AMZ1: variants seen among roughly 807,000 people sequenced by gnomAD.
AMZ1 encodes the protein archaemetzincin-1.
In AMZ1, 39 loss-of-function variants were observed where a neutral mutation model predicts 29.9. The observed-to-expected ratio is 1.30, with a 90% CI of 1.01 to 1.70. The LOEUF (loss-of-function observed/expected upper bound fraction) is 1.70, where lower values mean the gene tolerates loss of function less well. Ranked by LOEUF, AMZ1 falls within the 40% of genes most tolerant of loss-of-function variation. AMZ1 has a pLI of 0.00. For synonymous variants in AMZ1, 458 were observed against 304.0 expected (o/e 1.51, Z -5.27); for missense variants, 1,041 against 680.6 (o/e 1.53, Z -5.89).
rs60811216 is a variant in AMZ1 at position 2,704,588 on chromosome 7, C to CTTTTTTTTTT, written c.472+1716_472+1725dup. Among the ~76,000 whole-genome samples, 14 of 83,868 alleles carry CTTTTTTTTTT rather than the reference C, an allele frequency of 1.7e-4. 4 individuals are homozygous for CTTTTTTTTTT. The highest frequency in any genetic ancestry group is 9.0e-4 in the African/African-American group (12 of 13,386). 55.0% of individuals were successfully genotyped at this position (83,868 alleles called of 152,430 possible). A position where few individuals can be genotyped will look rare whatever the true frequency, so the allele number is the denominator to read the frequency against. On this transcript the variant is annotated intron_variant, in intron 3 of 6. Transcript: ENST00000683327. The stretch of plus-strand genomic sequence containing the variant: ...TCTTTTTGAAATTAGCAGTGTCACG[C>CTTTTTTTTTT]TTTTTTTTTTTTTTTTTTTTTTTTT...
At position 2,717,082 on chromosome 7, in the gene AMZ1, C is replaced by A. The variant is rs908583311; in HGVS notation, c.*4204C>A. Among the ~76,000 whole-genome samples, 1 of 152,182 alleles carries A rather than the reference C, an allele frequency of 6.6e-6. No individual in the cohort carries two copies. The highest frequency in any genetic ancestry group is 2.4e-5 in the African/African-American group (1 of 41,424). The stretch of plus-strand genomic sequence containing the variant: ...AGCCCCCACACACCGGCACCCACGC[C>A]CCTCGGTTCTGATAACCAGGAGGCT... On this transcript the variant is annotated 3_prime_UTR_variant, in exon 7 of 7. Coordinates refer to ENST00000683327, the MANE Select transcript of AMZ1 (RefSeq NM_001384743.1).
chr7:2,709,388 A>C (rs918027721), intron 5 of AMZ1, 144 bp downstream of exon 5: 13 of 1,063,950 alleles, frequency 1.2e-5, no homozygotes, highest in African/African-American at 3.2e-5. Flanking sequence ...AAGGCTACAC[A>C]GCTATGAAGC....
chr7:2,722,026 G>A (rs1404988940), downstream of AMZ1, among the ~76,000 whole-genome samples: 3 of 152,212 alleles, frequency 2.0e-5, no homozygotes, highest in Non-Finnish European at 4.4e-5. Flanking sequence ...GGGCTGCACA[G>A]AGCACTCGGT....
chr7:2,722,859 TC>T (rs2115248421), downstream of AMZ1, among the ~76,000 whole-genome samples: 1 of 152,106 alleles, frequency 6.6e-6, no homozygotes, highest in Non-Finnish European at 1.5e-5. Flanking sequence ...ATGCCTGTGG[TC>T]CCAGCTACTT....
In AMZ1 at chr7:2,738,543, C is replaced by T. The variant is rs895798470; in HGVS notation, n.551-26169C>T. Among the ~76,000 whole-genome samples the T allele has an allele frequency of 3.9e-5, 6 of 152,078 alleles. No individual in the cohort carries two copies. The East Asian group carries it at 9.7e-4, about 25-fold the overall frequency. On this transcript the variant is annotated intron_variant and non_coding_transcript_variant, in intron 4 of 4. Coordinates refer to the AMZ1 transcript ENST00000489665. ...CTTTTATGTAAGAAATGGCGGGAGA[C>T]TAAAACCCATATTCTGCTTGCTTAT...
chr7:2,709,238 C>G lies in AMZ1; in HGVS notation c.765C>G (p.Cys255Trp). ...LCFSALGMVQ[C>W]CKVTCHELCH... is the part of the protein sequence containing the mutation. ...TCAGTGCCCTGGGGATGGTTCAGTG[C>G]TGCAAGGTGGGTGGGGGCTCTGGGG... is the stretch of plus-strand genomic sequence containing the variant. The change falls in exon 5 of 7, where the codon TGC becomes TGG. Residue 255 changes from cysteine to tryptophan, a missense_variant. Cys to Trp is a radical substitution (Grantham distance 215). Coordinates refer to ENST00000683327, the MANE Select transcript of AMZ1 (RefSeq NM_001384743.1). 6.7e-7 allele frequency: 1 copy of G among 1,497,892 alleles called. No individual in the cohort carries two copies. The highest frequency in any genetic ancestry group is 8.9e-7 in the Non-Finnish European group (1 of 1,126,456). 92.8% of individuals were successfully genotyped at this position (1,497,892 alleles called of 1,614,324 possible).
At chr7:2,762,517 A>C, upstream of AMZ1, 2 of 1,046,170 alleles carry the variant, frequency 1.9e-6, no homozygotes, top group Non-Finnish European at 2.7e-6. Flanking sequence ...ACTGTGGACT[A>C]CAAAAGCAGT....
Position 2,718,535 on chromosome 7 carries a change from C to G in AMZ1, c.*5657C>G, listed in dbSNP as rs1482410064. Among the ~76,000 whole-genome samples, 1 of 152,230 alleles carries G rather than the reference C, an allele frequency of 6.6e-6. No individual in the cohort carries two copies. Among genetic ancestry groups the G allele is most frequent in the Non-Finnish European group, 1.5e-5 (1 of 68,038 alleles). Reference sequence around the variant, plus strand: ...CGCTGGTGGCAGCCGCGGGCGCCCACTCACCTGGCACGTGGACGAAGGTGA... The same window carrying G: ...CGCTGGTGGCAGCCGCGGGCGCCCAGTCACCTGGCACGTGGACGAAGGTGA... On this transcript the variant is annotated 3_prime_UTR_variant, in exon 7 of 7. Coordinates refer to ENST00000683327, the MANE Select transcript of AMZ1 (RefSeq NM_001384743.1).
Position 2,717,516 on chromosome 7 carries a change from A to G in AMZ1, c.*4638A>G, listed in dbSNP as rs529332418. Among the ~76,000 whole-genome samples, 2 of 152,358 alleles carry G rather than the reference A, an allele frequency of 1.3e-5. No homozygotes were observed. The highest frequency in any genetic ancestry group is 3.9e-4 in the East Asian group (2 of 5,180). ...GCAGGCTGCTCCAGAGCTGAAATCT[A>G]GCTGTGATCCCTGTGGGGCAACTGC... On this transcript the variant is annotated 3_prime_UTR_variant, in exon 7 of 7. Coordinates refer to ENST00000683327, the MANE Select transcript of AMZ1 (RefSeq NM_001384743.1).
intron 1 of AMZ1, among the ~76,000 whole-genome samples, chr7:2,697,040 AC>A (rs769495857): frequency 4.5e-4 from 69 of 152,224 alleles, no homozygotes; most frequent in Non-Finnish European, 7.9e-4. Context: ...AGATGGAAAC[AC>A]AGACTTATGT....
intron 1 of AMZ1, among the ~76,000 whole-genome samples, chr7:2,694,584 C>A: frequency 6.6e-6 from 1 of 151,900 alleles, no homozygotes; most frequent in Admixed American, 6.6e-5. Flanking sequence ...GCCACCGTAC[C>A]TGGTCATAAT....
At chr7:2,759,331 T>C (rs1481662678) in intron 4 of AMZ1, among the ~76,000 whole-genome samples, 1 of 152,178 alleles carries the variant, frequency 6.6e-6, no homozygotes, top group Non-Finnish European at 1.5e-5. Flanking sequence ...AACTCACACC[T>C]ACCTTGCACT....
intron 1 of AMZ1, among the ~76,000 whole-genome samples, chr7:2,695,343 C>G (rs1198928700): frequency 2.0e-5 from 3 of 152,144 alleles, no homozygotes; most frequent in African/African-American, 7.2e-5. Flanking sequence ...TGGGCACAGG[C>G]TCGGTCTGCA....
chr7:2,747,302 C>T (rs560803673), intron 4 of AMZ1, among the ~76,000 whole-genome samples: 6 of 152,188 alleles, frequency 3.9e-5, no homozygotes, highest in African/African-American at 1.4e-4. Flanking sequence ...CCCAGCAGCA[C>T]ATCAAAAAGC....
rs540417457 is a variant in AMZ1 at position 2,706,306 on chromosome 7, G to A, written c.473-2282G>A. The stretch of plus-strand genomic sequence containing the variant: ...CTCAGCCTCCCAAGTAGCTGGGACC[G>A]CAGACACGTGCCATCACACCTGGCT... On this transcript the variant is annotated intron_variant, in intron 3 of 6. Coordinates refer to ENST00000683327, the MANE Select transcript of AMZ1 (RefSeq NM_001384743.1). 3.3e-5 allele frequency among the ~76,000 whole-genome samples: 5 copies of A among 152,280 alleles called. 1 individual carries two copies. Among genetic ancestry groups the A allele is most frequent in the Admixed American group, 1.3e-4 (2 of 15,300 alleles).
chr7:2,755,133 C>T (rs1187108812), intron 4 of AMZ1, among the ~76,000 whole-genome samples: 1 of 152,050 alleles, frequency 6.6e-6, no homozygotes, highest in Non-Finnish European at 1.5e-5. Flanking sequence ...TCGTGTCTCT[C>T]CCTGCGCCAG....
chr7:2,688,329 C>A (rs1000088734), intron 1 of AMZ1, 33 bp downstream of exon 1: 1 of 151,480 alleles, frequency 6.6e-6, no homozygotes, highest in Non-Finnish European at 1.5e-5. Context: ...CTCGGGGGCG[C>A]AGGGACCGAG....
chr7:2,759,140 A>AAAATAAAT (rs3074427), intron 4 of AMZ1, among the ~76,000 whole-genome samples: 93 of 144,766 alleles, frequency 6.4e-4, no homozygotes, highest in East Asian at 1.4e-3. Flanking sequence ...ACACTGTCTC[A>AAAATAAAT]AAATAAATAA....
At position 2,712,496 on chromosome 7, in the gene AMZ1, C is replaced by T. The variant is rs867002152; in HGVS notation, c.1115C>T (p.Ala372Val). ...TSVSEPLTPDAGSHTFASGPE... is the reference protein window; with the variant it reads ...TSVSEPLTPDVGSHTFASGPE... ...GTGTCGGAGCCCCTCACCCCTGATG[C>T]CGGGAGTCACACCTTCGCCTCGGGG... Residue 372 changes from alanine (A) to valine (V), a missense_variant, in exon 7 of 7, where the codon GCC (alanine) becomes GTC (valine). Physicochemically the swap from Ala to Val is moderately conservative, Grantham distance 64. Transcript: ENST00000683327. 3 of 1,609,082 alleles carry T rather than the reference C, an allele frequency of 1.9e-6. No homozygotes were observed. Among genetic ancestry groups the T allele is most frequent in the Non-Finnish European group, 2.5e-6 (3 of 1,178,362 alleles).
Sources: allele counts gnomAD v4.1 joint callset (sites outside exome capture counted in the v4.1 genomes callset), GRCh38; gene constraint gnomAD v4.1.1; transcripts MANE v1.5; gene names NCBI Gene and HGNC (gene_info 2026-07-23, HGNC 2026-07-21).